SMG7: variants seen among roughly 807,000 people sequenced by gnomAD.
SMG7 encodes the protein SMG7 nonsense mediated mRNA decay factor, also known as nonsense-mediated mRNA decay factor SMG7.
In SMG7, 34 loss-of-function variants were observed where a neutral mutation model predicts 148.2. The ratio of observed to expected loss-of-function variants is 0.23; its 90% confidence interval spans 0.17 to 0.31. The LOEUF (loss-of-function observed/expected upper bound fraction) is 0.31. Among genes scored for constraint, SMG7 ranks in the 10% least tolerant of loss-of-function variants. The pLI, the probability that SMG7 is intolerant of heterozygous loss-of-function variation, is 1.00. For missense variants in SMG7, 1,114 were observed against 1,408.4 expected (o/e 0.79, Z 3.35); for synonymous variants, 492 against 515.1 (o/e 0.96, Z 0.61).
chr1:183,491,604 A>G (rs956535068), intron 1 of SMG7, among the ~76,000 whole-genome samples: 4 of 152,112 alleles, frequency 2.6e-5, no homozygotes, highest in Non-Finnish European at 4.4e-5. Flanking sequence ...TCGGTTTTTA[A>G]TGTATCTTTT....
intron 1 of SMG7, 112 bp downstream of exon 1, chr1:183,472,761 C>T (rs766398167): frequency 9.9e-5 from 100 of 1,015,142 alleles, no homozygotes; most frequent in Non-Finnish European, 1.3e-4. Context: ...GCGTCCTCTC[C>T]TCGCCGGGCA....
rs1182135848 is a variant in SMG7 at position 183,549,290 on chromosome 1, T to TA, written c.2973+3dup. On this transcript the variant is annotated splice_region_variant and intron_variant, in intron 19 of 22. Coordinates refer to ENST00000688051, the MANE Select transcript of SMG7 (RefSeq NM_001375584.1). ...CTCACCGGATTCTCTCTCAATCAGGTAGGTGAACAATGAAGAATCCTGCTG... is the reference window on the plus strand; with the variant it reads ...CTCACCGGATTCTCTCTCAATCAGGTAAGGTGAACAATGAAGAATCCTGCTG... 6.2e-7 allele frequency: 1 copy of TA among 1,606,328 alleles called. No homozygotes were observed. Among genetic ancestry groups the TA allele is most frequent in the Non-Finnish European group, 8.5e-7 (1 of 1,173,166 alleles).
intron 1 of SMG7, among the ~76,000 whole-genome samples, chr1:183,502,923 A>G (rs1478781813): frequency 6.6e-6 from 1 of 152,254 alleles, no homozygotes; most frequent in African/African-American, 2.4e-5. Context: ...TTATAATGAC[A>G]GAAAATGCAA....
At chr1:183,477,418 G>GTA (rs1191560378) in intron 1 of SMG7, among the ~76,000 whole-genome samples, 1 of 151,538 alleles carries the variant, frequency 6.6e-6, no homozygotes, top group Non-Finnish European at 1.5e-5. Context: ...GTGTGTGTGT[G>GTA]TATGTGTGCA....
chr1:183,538,276 T>C (rs999273605), intron 11 of SMG7, 104 bp from the exon 12 acceptor site: 29 of 754,372 alleles, frequency 3.8e-5, no homozygotes, highest in Middle Eastern at 2.4e-4. Context: ...ATAAGCATTA[T>C]AATTTCTTTC....
rs1670968629 is a variant in SMG7, at chr1:183,551,097, C to T, written c.3357C>T (p.Ser1119=). The stretch of plus-strand genomic sequence containing the variant: ...TCTCAGCAACGTCATCCTCTGAGAG[C>T]AGTTGGCATCAGGCCAGCACTCCGA... ...DYLSATSSSE[S]SWHQASTPSG... The change falls in exon 22 of 23, where the codon AGC becomes AGT. Residue 1119 remains serine, a synonymous_variant. Transcript: ENST00000688051. The T allele has an allele frequency of 1.2e-6, 2 of 1,613,304 alleles. No individual in the cohort carries two copies. Among genetic ancestry groups the T allele is most frequent in the Non-Finnish European group, 1.7e-6 (2 of 1,179,828 alleles).
intron 4 of SMG7, among the ~76,000 whole-genome samples, chr1:183,525,728 G>GGAA (rs1043298750): frequency 1.3e-5 from 2 of 152,108 alleles, no homozygotes; most frequent in Non-Finnish European, 2.9e-5. Flanking sequence ...GCTCTGACTA[G>GGAA]GAAGAAGAGC....
At chr1:183,530,147 T>C (rs1666605671) in intron 8 of SMG7, among the ~76,000 whole-genome samples, 1 of 152,182 alleles carries the variant, frequency 6.6e-6, no homozygotes, top group South Asian at 2.1e-4. Flanking sequence ...AAATAAATAT[T>C]TGACTACTCA....
At chr1:183,522,675 C>T (rs964559244) in intron 4 of SMG7, among the ~76,000 whole-genome samples, 2 of 151,972 alleles carry the variant, frequency 1.3e-5, no homozygotes, top group South Asian at 2.1e-4. Context: ...TGAAATGTAA[C>T]TTCAGCAGTG....
chr1:183,544,904 T>C (rs1382106426), intron 15 of SMG7, 26 bp from the exon 16 acceptor site: 1 of 1,592,770 alleles, frequency 6.3e-7, no homozygotes, highest in East Asian at 2.2e-5. Context: ...TCCTTAAAAC[T>C]AAAGCTGTGT....
chr1:183,478,395 T>TAA (rs1199788941), intron 1 of SMG7, among the ~76,000 whole-genome samples: 2 of 152,184 alleles, frequency 1.3e-5, no homozygotes, highest in Non-Finnish European at 2.9e-5. Flanking sequence ...AAGTCTTTGT[T>TAA]ATAACAGTGT....
At chr1:183,539,727 G>T (rs1185035600) in intron 12 of SMG7, among the ~76,000 whole-genome samples, 1 of 152,132 alleles carries the variant, frequency 6.6e-6, no homozygotes, top group Non-Finnish European at 1.5e-5. Flanking sequence ...AAAAACCCTT[G>T]TTTCTATTTG....
At chr1:183,531,747 G>T (rs947993493) in intron 8 of SMG7, among the ~76,000 whole-genome samples, 1 of 152,054 alleles carries the variant, frequency 6.6e-6, no homozygotes, top group Non-Finnish European at 1.5e-5. Context: ...TAATGCCAGC[G>T]GATTTATAGA....
intron 1 of SMG7, among the ~76,000 whole-genome samples, chr1:183,482,551 T>C (rs1654423256): frequency 6.6e-6 from 1 of 152,082 alleles, no homozygotes; most frequent in African/African-American, 2.4e-5. Flanking sequence ...TACCTTGTGG[T>C]CAATGGTAAC....
intron 1 of SMG7, among the ~76,000 whole-genome samples, chr1:183,493,277 CTA>C (rs1657527889): frequency 6.6e-6 from 1 of 152,154 alleles, no homozygotes; most frequent in African/African-American, 2.4e-5. Context: ...ACCCGGCAAC[CTA>C]TGATTATTTA....
chr1:183,481,535 G>A (rs1654110400), intron 1 of SMG7, among the ~76,000 whole-genome samples: 1 of 152,016 alleles, frequency 6.6e-6, no homozygotes, highest in African/African-American at 2.4e-5. Flanking sequence ...GTACATAATT[G>A]GTGTTAAATA....
chr1:183,486,616 G>A (rs1655492883), intron 1 of SMG7, among the ~76,000 whole-genome samples: 1 of 151,984 alleles, frequency 6.6e-6, no homozygotes, highest in African/African-American at 2.4e-5. Context: ...TCACCATGTT[G>A]GTCAGGCTGG....
intron 6 of SMG7, among the ~76,000 whole-genome samples, chr1:183,528,517 A>G (rs956734095): frequency 4.6e-5 from 7 of 152,200 alleles, no homozygotes; most frequent in African/African-American, 1.7e-4. Context: ...GATTCTAGAA[A>G]GAGTCTAAAG....
intron 20 of SMG7, 67 bp from the exon 21 acceptor site, chr1:183,550,684 A>C (rs1670855973): frequency 6.8e-7 from 1 of 1,464,266 alleles, no homozygotes; most frequent in Non-Finnish European, 9.5e-7. Context: ...ATCTACAGGA[A>C]CCTGTAGTTC....
Sources: gnomAD v4.1 joint callset for allele counts (sites outside exome capture counted in the v4.1 genomes callset) on GRCh38, gnomAD v4.1.1 for gene constraint, MANE v1.5 for transcripts, NCBI Gene and HGNC (gene_info 2026-07-23, HGNC 2026-07-21) for gene names.